The following UBE2B variants were observed in gnomAD, a reference collection of about 807,000 sequenced individuals.
UBE2B encodes ubiquitin conjugating enzyme E2 B, also known as ubiquitin-conjugating enzyme E2 B.
UBE2B carries 11 observed loss-of-function variants against 24.6 expected under a neutral mutation model. The ratio of observed to expected loss-of-function variants is 0.45; its 90% CI spans 0.28 to 0.74. The LOEUF (loss-of-function observed/expected upper bound fraction) is 0.74. UBE2B is among the 30% of genes least tolerant of loss of function. UBE2B has a pLI of 0.13. For synonymous variants in UBE2B, 68 were observed against 62.4 expected (o/e 1.09, Z -0.42); for missense variants, 78 against 185.6 (o/e 0.42, Z 3.37).
At chr5:134,385,126 G>T (rs1202695654) in intron 4 of UBE2B, among the ~76,000 whole-genome samples, 1 of 152,138 alleles carries the variant, frequency 6.6e-6, no homozygotes, top group Non-Finnish European at 1.5e-5. Context: ...TTTACTTTTG[G>T]ATTCTCAGAA....
chr5:134,381,936 T>C (rs556381034), intron 4 of UBE2B, among the ~76,000 whole-genome samples: 1 of 152,022 alleles, frequency 6.6e-6, no homozygotes, highest in Middle Eastern at 3.2e-3. Flanking sequence ...AAACCAAGAC[T>C]CTGTCTCCAA....
intron 1 of UBE2B, 86 bp from the exon 2 acceptor site, chr5:134,374,297 A>G: frequency 8.4e-7 from 1 of 1,196,260 alleles, no homozygotes; most frequent in Non-Finnish European, 1.2e-6. Flanking sequence ...GTCTCAAAAT[A>G]GATGGTATAG....
intron 1 of UBE2B, among the ~76,000 whole-genome samples, 180 bp downstream of exon 1, chr5:134,371,819 C>T (rs905766606): frequency 1.3e-5 from 2 of 152,136 alleles, no homozygotes; most frequent in Non-Finnish European, 2.9e-5. Context: ...CTCGTTCTGG[C>T]GCCCGAAGAA....
intron 4 of UBE2B, among the ~76,000 whole-genome samples, chr5:134,385,192 C>A (rs1236542005): frequency 1.3e-5 from 2 of 152,136 alleles, no homozygotes; most frequent in Non-Finnish European, 2.9e-5. Context: ...TACAGAGTTA[C>A]TAATTTTTGC....
intron 4 of UBE2B, among the ~76,000 whole-genome samples, chr5:134,387,586 G>A (rs1581326727): frequency 2.0e-5 from 3 of 152,158 alleles, no homozygotes; most frequent in East Asian, 3.9e-4. Context: ...CAGTCCAAGA[G>A]CATGGCGCCA....
At chr5:134,383,428 G>A (rs1258562039) in intron 4 of UBE2B, among the ~76,000 whole-genome samples, 2 of 147,170 alleles carry the variant, frequency 1.4e-5, no homozygotes, top group Non-Finnish European at 3.0e-5. Context: ...TCTTGCCTCA[G>A]CCTCCTGAGT....
chr5:134,388,395 T>C lies in UBE2B; in HGVS notation c.312T>C (p.Ser104=), dbSNP rs779085883. The change falls in exon 5 of 6, where the codon TCT becomes TCC. Residue 104 remains serine (S), a synonymous_variant. Transcript: ENST00000265339. ...GGAGTCCAACATATGATGTATCTTC[T>C]ATCTTAACATCAATTCAGGTAAGTG... is the stretch of plus-strand genomic sequence containing the variant. ...NRWSPTYDVS[S]ILTSIQSLLD... 1 of 1,613,874 alleles carries C rather than the reference T, an allele frequency of 6.2e-7. No individual in the cohort carries two copies.
In UBE2B at chr5:134,376,765, A is replaced by G. The variant is rs1758616720; in HGVS notation, c.151+71A>G. 6.9e-6 allele frequency: 10 copies of G among 1,452,072 alleles called. No individual in the cohort carries two copies. In the Admixed American group the frequency reaches 9.6e-5, roughly 14 times the overall value. 89.9% of individuals were successfully genotyped at this position (1,452,072 alleles called of 1,614,324 possible). On this transcript the variant is annotated intron_variant, in intron 3 of 5. Coordinates refer to ENST00000265339, the MANE Select transcript of UBE2B (RefSeq NM_003337.4). ...TTTAGTAGAAAATTGTAACACCAAC[A>G]TATCTACTTGAAGCCATTTTCTATG... is the stretch of plus-strand genomic sequence containing the variant.
At chr5:134,376,636 A>G (rs1340124814) in intron 2 of UBE2B, 33 bp from the exon 3 acceptor site, 1 of 1,609,476 alleles carries the variant, frequency 6.2e-7, no homozygotes, top group Non-Finnish European at 8.5e-7. Flanking sequence ...AGAATGAGAA[A>G]CTTCTTTTAA....
At chr5:134,374,519 A>C in intron 2 of UBE2B, 56 bp downstream of exon 2, 6 of 1,512,808 alleles carry the variant, frequency 4.0e-6, no homozygotes, top group Non-Finnish European at 5.4e-6. Flanking sequence ...AAGAAAAGTA[A>C]ACATATAACA....
At chr5:134,388,917 A>AGT in intron 5 of UBE2B, 2 of 347,472 alleles carry the variant, frequency 5.8e-6, no homozygotes, top group African/African-American at 2.4e-5. Flanking sequence ...TGTTCTTTTT[A>AGT]AAGTTTTTTC....
At chr5:134,379,949 C>T (rs1326874517) in intron 3 of UBE2B, among the ~76,000 whole-genome samples, 1 of 151,548 alleles carries the variant, frequency 6.6e-6, no homozygotes, top group East Asian at 1.9e-4. Context: ...GAGTCTTGCT[C>T]TTGTCACCCA....
In UBE2B at chr5:134,388,762, A is replaced by G. The variant is rs192564771; in HGVS notation, c.330+349A>G. Among the ~76,000 whole-genome samples, 113 of 152,328 alleles carry G rather than the reference A, an allele frequency of 7.4e-4. 1 individual carries two copies. The highest frequency in any genetic ancestry group is 9.1e-4 in the Non-Finnish European group (62 of 68,030). The stretch of plus-strand genomic sequence containing the variant: ...AAGAAATTCTATTTTAAAAAAAGAA[A>G]GGAAAACTAATGTAACCATTTGTCG... On this transcript the variant is annotated intron_variant, in intron 5 of 5. Coordinates refer to ENST00000265339, the MANE Select transcript of UBE2B (RefSeq NM_003337.4).
At chr5:134,389,560 T>G (rs1049344054) in intron 5 of UBE2B, among the ~76,000 whole-genome samples, 1 of 151,708 alleles carries the variant, frequency 6.6e-6, no homozygotes, top group African/African-American at 2.4e-5. Flanking sequence ...TCTTTTTTTT[T>G]TTTTTGAGAC....
rs1758899473 is a variant in UBE2B at position 134,391,674 on chromosome 5, G to C, written c.*1321G>C. The C allele has an allele frequency of 6.6e-6, 1 of 152,336 alleles. No individual in the cohort carries two copies. The highest frequency in any genetic ancestry group is 1.5e-5 in the Non-Finnish European group (1 of 68,018). The allele number at this position is 152,336 out of a possible 1,614,324, so 9.4% of individuals were successfully genotyped here. A position where few individuals can be genotyped will look rare whatever the true frequency, so the allele number is the denominator to read the frequency against. The stretch of plus-strand genomic sequence containing the variant: ...AACGTTTAACATTGATTGGATAAAT[G>C]CTTATAGGCTGGGCCAGGTGGCTCC... On this transcript the variant is annotated 3_prime_UTR_variant, in exon 6 of 6. Coordinates refer to ENST00000265339, the MANE Select transcript of UBE2B (RefSeq NM_003337.4).
chr5:134,389,261 T>A (rs34599772), intron 5 of UBE2B, among the ~76,000 whole-genome samples: 162 of 152,260 alleles, frequency 1.1e-3, no homozygotes, highest in African/African-American at 3.7e-3. Flanking sequence ...TCTGGTCATC[T>A]TACAAGCGTT....
rs1477130048 is a variant in UBE2B, at chr5:134,390,176, G to A, written c.331-49G>A. On this transcript the variant is annotated intron_variant, in intron 5 of 5. Coordinates refer to ENST00000265339, the MANE Select transcript of UBE2B (RefSeq NM_003337.4). The surrounding 1 kb of genome is among the most constrained non-coding windows in gnomAD (Gnocchi z 4.6). ...TATATTCCATATCTGACCCCTGTTG[G>A]TATAAAGAACAACTATGCAAATCTG... 1 of 1,609,842 alleles carries A rather than the reference G, an allele frequency of 6.2e-7. No individual in the cohort carries two copies. Among genetic ancestry groups the A allele is most frequent in the South Asian group, 1.1e-5 (1 of 90,884 alleles).
intron 3 of UBE2B, 121 bp downstream of exon 3, chr5:134,376,815 A>G (rs1289741765): frequency 6.3e-6 from 6 of 954,090 alleles, no homozygotes; most frequent in Non-Finnish European, 9.3e-6. Flanking sequence ...TTAAAAGTAA[A>G]GCTATGGAAA....
chr5:134,390,063 C>T lies in UBE2B; in HGVS notation c.331-162C>T. Reference sequence around the variant, plus strand: ...CAGCAGGAAACCCCATAGTATTTATCAAATCATTTCTAAAAGTATTTAGAC... The same window carrying T: ...CAGCAGGAAACCCCATAGTATTTATTAAATCATTTCTAAAAGTATTTAGAC... On this transcript the variant is annotated intron_variant, in intron 5 of 5. Transcript: ENST00000265339. The surrounding 1 kb of genome is among the most constrained non-coding windows in gnomAD (Gnocchi z 4.6). The T allele has an allele frequency of 1.3e-6, 1 of 796,456 alleles. No homozygotes were observed. Among genetic ancestry groups the T allele is most frequent in the South Asian group, 1.5e-5 (1 of 64,828 alleles). The allele number at this position is 796,456 out of a possible 1,614,324, so 49.3% of individuals were successfully genotyped here.
Sources: gnomAD v4.1 joint callset for allele counts (sites outside exome capture counted in the v4.1 genomes callset) on GRCh38, gnomAD v4.1.1 for gene constraint, Gnocchi (gnomAD v3.1) non-coding constraint, MANE v1.5 for transcripts, NCBI Gene and HGNC (gene_info 2026-07-23, HGNC 2026-07-21) for gene names.